The following MAPKAPK3 variants were observed in gnomAD, a reference collection of about 807,000 sequenced individuals.
The protein encoded by MAPKAPK3 is MAPK activated protein kinase 3.
A neutral mutation model predicts 49.2 loss-of-function variants in MAPKAPK3; 35 were observed. The observed-to-expected ratio is 0.71, with a 90% CI of 0.54 to 0.94. The LOEUF (loss-of-function observed/expected upper bound fraction) is 0.94. Among genes scored for constraint, MAPKAPK3 ranks in the 40% least tolerant of loss-of-function variants. The pLI is 0.00. For missense variants in MAPKAPK3, 398 were observed against 493.1 expected, an observed-to-expected ratio of 0.81 and a Z score of 1.83; for synonymous variants, 178 against 188.7, an observed-to-expected ratio of 0.94 and a Z score of 0.46.
At chr3:50,631,350 C>A (rs561787537) in intron 2 of MAPKAPK3, among the ~76,000 whole-genome samples, 87 of 152,110 alleles carry the variant, frequency 5.7e-4, no homozygotes, top group Non-Finnish European at 9.3e-4. Context: ...GGGGCAGGAG[C>A]GGGGTTCTGG....
chr3:50,635,277 A>C (rs2033005806), intron 2 of MAPKAPK3, among the ~76,000 whole-genome samples: 1 of 152,132 alleles, frequency 6.6e-6, no homozygotes, highest in Non-Finnish European at 1.5e-5. Context: ...TCCCTGGAAG[A>C]GGAGGTAAAG....
chr3:50,628,305 AGCTATGTGG>A (rs2032811517), intron 2 of MAPKAPK3, among the ~76,000 whole-genome samples: 1 of 152,102 alleles, frequency 6.6e-6, no homozygotes, highest in Admixed American at 6.5e-5. Context: ...ACCCTGTGTC[AGCTATGTGG>A]GCATCACTGC....
At chr3:50,633,308 T>C (rs1043059399) in intron 2 of MAPKAPK3, among the ~76,000 whole-genome samples, 8 of 151,962 alleles carry the variant, frequency 5.3e-5, no homozygotes, top group Non-Finnish European at 1.0e-4. Context: ...AAGTCAATAT[T>C]GCAGAGACTG....
chr3:50,640,532 C>A (rs1020729854), intron 3 of MAPKAPK3, 27 bp downstream of exon 3: 2 of 1,579,324 alleles, frequency 1.3e-6, no homozygotes, highest in Non-Finnish European at 1.7e-6. Context: ...TGTCTCCACA[C>A]CCCCTCGGCA....
intron 3 of MAPKAPK3, among the ~76,000 whole-genome samples, chr3:50,641,068 G>A (rs13096772): frequency 6.6e-6 from 1 of 152,174 alleles, no homozygotes; most frequent in African/African-American, 2.4e-5. Flanking sequence ...CTATGTGACC[G>A]TGGGCAGCTC....
intron 2 of MAPKAPK3, among the ~76,000 whole-genome samples, chr3:50,638,216 G>T (rs775363970): frequency 6.6e-6 from 1 of 152,138 alleles, no homozygotes; most frequent in Non-Finnish European, 1.5e-5. Flanking sequence ...AGGTCAGACT[G>T]GGGAGGAGAG....
chr3:50,634,558 G>A (rs757244465), intron 2 of MAPKAPK3, among the ~76,000 whole-genome samples: 30 of 151,334 alleles, frequency 2.0e-4, no homozygotes, highest in Non-Finnish European at 2.8e-4. Flanking sequence ...ATGCGATCTC[G>A]GCTCACTGCA....
At chr3:50,632,416 T>A (rs1200849612) in intron 2 of MAPKAPK3, among the ~76,000 whole-genome samples, 1 of 152,260 alleles carries the variant, frequency 6.6e-6, no homozygotes, top group Non-Finnish European at 1.5e-5. Flanking sequence ...GAGAATCTGC[T>A]GTTTTTGTTT....
upstream of MAPKAPK3, chr3:50,612,808 A>G (rs2032369684): frequency 6.6e-6 from 1 of 152,012 alleles, no homozygotes; most frequent in Non-Finnish European, 1.5e-5. Flanking sequence ...TTGGGGCGGG[A>G]TGGCGGGGGC....
chr3:50,621,780 A>G (rs910218559), intron 2 of MAPKAPK3, among the ~76,000 whole-genome samples: 37 of 152,142 alleles, frequency 2.4e-4, no homozygotes, highest in Non-Finnish European at 4.4e-5. Context: ...TCAAAAATTG[A>G]AAGAAAGAAA....
In MAPKAPK3 at chr3:50,646,760, C is replaced by T; in HGVS notation, c.850C>T (p.Leu284=). ...SEDAKQLIRL[L]LKTDPTERLT... is the part of the protein sequence containing the mutation. ...CCTAGCCAAGCAGCTGATCCGCCTC[C>T]TGTTGAAGACAGACCCCACAGAGAG... The change falls in exon 9 of 11, where the codon CTG becomes TTG. Residue 284 remains leucine (L), a synonymous_variant. Transcript: ENST00000621469. The T allele has an allele frequency of 2.5e-6, 4 of 1,614,076 alleles. No homozygotes were observed. The highest frequency in any genetic ancestry group is 1.3e-5 in the African/African-American group (1 of 75,040).
intron 8 of MAPKAPK3, among the ~76,000 whole-genome samples, 167 bp downstream of exon 8, chr3:50,646,431 A>G (rs1270646589): frequency 6.6e-6 from 1 of 152,136 alleles, no homozygotes; most frequent in African/African-American, 2.4e-5. Context: ...CTCAGTTTCT[A>G]CATCTGCCAA....
At position 50,640,374 on chromosome 3, in the gene MAPKAPK3, T is replaced by A. The variant is rs1422921375; in HGVS notation, c.228T>A (p.Tyr76Ter). The A allele has an allele frequency of 5.6e-6, 9 of 1,613,642 alleles. No homozygotes were observed. The highest frequency in any genetic ancestry group is 7.6e-6 in the Non-Finnish European group (9 of 1,179,768). ...TGTGCACCCACCTACAGCTCCTGTA[T>A]GACAGCCCCAAGGCCCGGCAGGAGG... ...TGQKCALKLL[Y>*]DSPKARQEVD... The change falls in exon 3 of 11, where the codon TAT becomes TAA. Residue 76 changes from tyrosine (Y) to a stop codon, truncating the protein, a stop_gained. Coordinates refer to ENST00000621469, the MANE Select transcript of MAPKAPK3 (RefSeq NM_001243925.2). LOFTEE classifies it high-confidence loss of function.
At chr3:50,633,389 A>C (rs1467160475) in intron 2 of MAPKAPK3, among the ~76,000 whole-genome samples, 2 of 151,682 alleles carry the variant, frequency 1.3e-5, no homozygotes, top group Admixed American at 6.6e-5. Context: ...ACACACCCCT[A>C]CACACGATGT....
chr3:50,622,783 G>C (rs2032642540), intron 2 of MAPKAPK3, among the ~76,000 whole-genome samples: 1 of 152,224 alleles, frequency 6.6e-6, no homozygotes, highest in Non-Finnish European at 1.5e-5. Flanking sequence ...CTGGGAGAAA[G>C]GAAATGCCCA....
At chr3:50,627,624 G>A (rs1170429168) in intron 2 of MAPKAPK3, among the ~76,000 whole-genome samples, 1 of 152,148 alleles carries the variant, frequency 6.6e-6, no homozygotes, top group Non-Finnish European at 1.5e-5. Flanking sequence ...GTGAGTCACT[G>A]CCGCCTAGTC....
At chr3:50,629,362 A>AG (rs1443951978) in intron 2 of MAPKAPK3, among the ~76,000 whole-genome samples, 1 of 152,162 alleles carries the variant, frequency 6.6e-6, no homozygotes, top group African/African-American at 2.4e-5. Context: ...AGGAAGACCC[A>AG]GGGGAATCCT....
chr3:50,619,151 G>T (rs1244647991), intron 2 of MAPKAPK3, among the ~76,000 whole-genome samples: 1 of 152,220 alleles, frequency 6.6e-6, no homozygotes, highest in African/African-American at 2.4e-5. Context: ...TTGTGAACAT[G>T]AAATGAGATT....
At chr3:50,617,109 G>A (rs1189419732), upstream of MAPKAPK3, 5 of 109,292 alleles carry the variant, frequency 4.6e-5, no homozygotes, top group East Asian at 3.8e-4. Context: ...GGGGAGGGGG[G>A]GGTGGGGAGG....
Sources: allele counts gnomAD v4.1 joint callset (sites outside exome capture counted in the v4.1 genomes callset), GRCh38; gene constraint gnomAD v4.1.1; transcripts MANE v1.5; gene names NCBI Gene and HGNC (gene_info 2026-07-23, HGNC 2026-07-21).